KCNA6: variants seen among roughly 807,000 people sequenced by gnomAD.
KCNA6 encodes the protein potassium voltage-gated channel subfamily A member 6.
Under a neutral mutation model 29.5 loss-of-function variants are expected in KCNA6, and 17 were observed. The observed-to-expected ratio is 0.58, with a 90% CI of 0.39 to 0.86. The LOEUF (loss-of-function observed/expected upper bound fraction) is 0.86, where lower values mean the gene tolerates loss of function less well. Among genes scored for constraint, KCNA6 ranks in the 40% least tolerant of loss-of-function variants. KCNA6 has a pLI of 0.00. For missense variants in KCNA6, 450 were observed against 703.4 expected (o/e 0.64, Z 4.07); for synonymous variants, 296 against 304.7 (o/e 0.97, Z 0.30).
chr12:4,834,854 G>T, the KCNA6 span, among the ~76,000 whole-genome samples: 23 of 152,240 alleles, frequency 1.5e-4, no homozygotes, highest in South Asian at 4.8e-3. Context: ...ACCCAAAAGT[G>T]GTTCTAAGCC....
the KCNA6 span, among the ~76,000 whole-genome samples, chr12:4,840,622 A>G: frequency 6.6e-6 from 1 of 152,204 alleles, no homozygotes; most frequent in Non-Finnish European, 1.5e-5. Flanking sequence ...AATCACAGAC[A>G]TGGCAGAATG....
chr12:4,838,072 A>G, the KCNA6 span, among the ~76,000 whole-genome samples: 4 of 152,160 alleles, frequency 2.6e-5, no homozygotes, highest in Admixed American at 2.6e-4. Flanking sequence ...GGTTATCATC[A>G]TCTGACTGCC....
chr12:4,849,699 T>C, the KCNA6 span, among the ~76,000 whole-genome samples: 2 of 152,184 alleles, frequency 1.3e-5, no homozygotes, highest in African/African-American at 4.8e-5. Flanking sequence ...TTATGGACCT[T>C]TGGGCTTGCT....
chr12:4,817,363 C>T (rs568117194), downstream of KCNA6, among the ~76,000 whole-genome samples: 4 of 152,298 alleles, frequency 2.6e-5, no homozygotes, highest in South Asian at 6.2e-4. Context: ...TTTAGCCTCT[C>T]ATCTTGCCAG....
chr12:4,816,766 C>A (rs1280264588), downstream of KCNA6, among the ~76,000 whole-genome samples: 3 of 152,168 alleles, frequency 2.0e-5, no homozygotes, highest in Admixed American at 2.0e-4. Flanking sequence ...GAGGTCCCAG[C>A]AGTCTTTGGT....
chr12:4,843,365 A>T, the KCNA6 span, among the ~76,000 whole-genome samples: 2 of 152,002 alleles, frequency 1.3e-5, no homozygotes, highest in Admixed American at 6.6e-5. Context: ...TATTTTTAGT[A>T]GAGACAGGGT....
rs1332200933 is a variant in KCNA6 at position 4,811,022 on chromosome 12, A to T, written c.981A>T (p.Gly327=). Residue 327 remains glycine, a synonymous_variant, in exon 1 of 1, where the codon GGA becomes GGT. Coordinates refer to ENST00000280684, the Ensembl canonical transcript of KCNA6. This position sits in a 1 kb window ranked among gnomAD's most constrained non-coding sequence, Gnocchi z 7.1. Reference sequence around the variant, plus strand: ...AGGAGCAGCAACCAGCCAGTGGAGGAGGCGGCCAGAATGGGCAGCAGGCCA... The same window carrying T: ...AGGAGCAGCAACCAGCCAGTGGAGGTGGCGGCCAGAATGGGCAGCAGGCCA... 1 of 1,614,166 alleles carries T rather than the reference A, an allele frequency of 6.2e-7. No individual in the cohort carries two copies. The highest frequency in any genetic ancestry group is 1.3e-5 in the African/African-American group (1 of 75,032).
At chr12:4,820,439 G>A in the KCNA6 span, among the ~76,000 whole-genome samples, 2 of 151,548 alleles carry the variant, frequency 1.3e-5, no homozygotes, top group East Asian at 1.9e-4. Flanking sequence ...ATAATTTGCC[G>A]AAGATCACAC....
At chr12:4,849,069 C>T in the KCNA6 span, among the ~76,000 whole-genome samples, 1 of 151,810 alleles carries the variant, frequency 6.6e-6, no homozygotes, top group Non-Finnish European at 1.5e-5. Context: ...TGCAGTGAGC[C>T]AAGATCGCCA....
At chr12:4,817,684 G>A (rs1054072345), downstream of KCNA6, among the ~76,000 whole-genome samples, 6 of 152,166 alleles carry the variant, frequency 3.9e-5, no homozygotes, top group South Asian at 2.1e-4. Flanking sequence ...AGTATCATTC[G>A]CACTGGTCTA....
the KCNA6 span, among the ~76,000 whole-genome samples, chr12:4,836,155 G>A: frequency 6.9e-6 from 1 of 143,906 alleles, no homozygotes; most frequent in Non-Finnish European, 1.5e-5. Context: ...TCACCATGTT[G>A]GCCAGGTTGG....
At chr12:4,826,233 G>C in the KCNA6 span, among the ~76,000 whole-genome samples, 1 of 152,054 alleles carries the variant, frequency 6.6e-6, no homozygotes, top group African/African-American at 2.4e-5. Flanking sequence ...TTGTTTGTTT[G>C]TTTTGTTTTG....
At chr12:4,839,561 T>G in the KCNA6 span, among the ~76,000 whole-genome samples, 1 of 152,340 alleles carries the variant, frequency 6.6e-6, no homozygotes, top group East Asian at 1.9e-4. Context: ...TATGCAAATT[T>G]TCAACCGCTC....
chr12:4,818,804 C>A, the KCNA6 span, among the ~76,000 whole-genome samples: 1 of 151,940 alleles, frequency 6.6e-6, no homozygotes, highest in South Asian at 2.1e-4. Flanking sequence ...CAGCAGGTGT[C>A]CTGTGCTTTT....
At chr12:4,816,249 GGT>G (rs59638657), downstream of KCNA6, among the ~76,000 whole-genome samples, 10,347 of 142,544 alleles carry the variant, frequency 0.073, 376 homozygotes, top group African/African-American at 0.12. Context: ...ACCACGAACT[GGT>G]GTGTGTGTGT....
At chr12:4,825,881 TC>T in the KCNA6 span, among the ~76,000 whole-genome samples, 8,757 of 152,312 alleles carry the variant, frequency 0.057, 271 homozygotes, top group African/African-American at 0.088. Context: ...AACAGCCAAT[TC>T]CTATGCACGT....
At chr12:4,821,515 C>G in the KCNA6 span, among the ~76,000 whole-genome samples, 1 of 151,900 alleles carries the variant, frequency 6.6e-6, no homozygotes, top group Non-Finnish European at 1.5e-5. Context: ...TTTTACATGC[C>G]TCCAGCAATT....
At chr12:4,828,810 C>G in the KCNA6 span, among the ~76,000 whole-genome samples, 4 of 152,130 alleles carry the variant, frequency 2.6e-5, no homozygotes. Flanking sequence ...TAGTGTTGCC[C>G]CTGTGGGATG....
At chr12:4,838,485 A>G in the KCNA6 span, among the ~76,000 whole-genome samples, 1 of 152,056 alleles carries the variant, frequency 6.6e-6, no homozygotes, top group Non-Finnish European at 1.5e-5. Context: ...TTGACCTCTT[A>G]TTGCTTTTCA....
Sources: allele counts gnomAD v4.1 joint callset (sites outside exome capture counted in the v4.1 genomes callset), GRCh38; gene constraint gnomAD v4.1.1; non-coding constraint Gnocchi (gnomAD v3.1); transcripts MANE v1.5; gene names NCBI Gene and HGNC (gene_info 2026-07-23, HGNC 2026-07-21).